SSBP2: variants seen among roughly 807,000 people sequenced by gnomAD.
SSBP2 encodes single-stranded DNA-binding protein 2.
A neutral mutation model predicts 61.8 loss-of-function variants in SSBP2; 17 were observed. That is an observed-to-expected ratio of 0.28 (90% CI 0.19 to 0.41). SSBP2 has a LOEUF of 0.41. SSBP2 is among the 10% of genes least tolerant of loss of function. The pLI is 1.00. For missense variants in SSBP2, 310 were observed against 458.7 expected (o/e 0.68, Z 2.96); for synonymous variants, 139 against 141.3 (o/e 0.98, Z 0.12).
In SSBP2 at chr5:81,642,011, T is replaced by C. The variant is rs148351429; in HGVS notation, c.136-5393A>G. 2.7e-3 allele frequency among the ~76,000 whole-genome samples: 411 copies of C among 152,268 alleles called. 1 individual carries two copies. The highest frequency in any genetic ancestry group is 9.4e-3 in the African/African-American group (392 of 41,554). On this transcript the variant is annotated intron_variant, in intron 2 of 16. Transcript: ENST00000320672. ...AATCACATCAAGCCTACAACTATTA[T>C]CTGGAATAGGGAAAAGGAGGACTTT...
rs143051218 is a variant in SSBP2 at position 81,648,277 on chromosome 5, T to C, written c.135+1990A>G. Among the ~76,000 whole-genome samples the C allele has an allele frequency of 6.6e-5, 10 of 152,278 alleles. 1 individual carries two copies. The East Asian group carries it at 1.7e-3, about 26-fold the overall frequency. The stretch of plus-strand genomic sequence containing the variant: ...TCATTGCCCTAAGTCTTCTAACTAA[T>C]GATTTCATGAAACACAGATACACCA... On this transcript the variant is annotated intron_variant, in intron 2 of 16. Coordinates refer to ENST00000320672, the MANE Select transcript of SSBP2 (RefSeq NM_012446.5).
At chr5:81,728,617 G>A (rs1171362585) in intron 1 of SSBP2, among the ~76,000 whole-genome samples, 2 of 152,198 alleles carry the variant, frequency 1.3e-5, no homozygotes, top group African/African-American at 4.8e-5. Flanking sequence ...TAATAGTGTG[G>A]ATCAGATGCA....
At chr5:81,744,544 T>C (rs553069491) in intron 1 of SSBP2, among the ~76,000 whole-genome samples, 1 of 152,234 alleles carries the variant, frequency 6.6e-6, no homozygotes, top group Non-Finnish European at 1.5e-5. Context: ...TAATTAAAAA[T>C]TAAAGCTATA....
chr5:81,539,764 C>CT (rs1222544651), intron 4 of SSBP2, among the ~76,000 whole-genome samples: 2 of 152,108 alleles, frequency 1.3e-5, no homozygotes, highest in East Asian at 3.9e-4. Context: ...TTTTATTATA[C>CT]TTTAAGTTCT....
At chr5:81,674,888 G>A (rs1751837736) in intron 1 of SSBP2, among the ~76,000 whole-genome samples, 1 of 152,136 alleles carries the variant, frequency 6.6e-6, no homozygotes, top group African/African-American at 2.4e-5. Flanking sequence ...AAATATTTTA[G>A]TAAAGGCCTA....
chr5:81,652,200 G>GACTTCAGAAC (rs1357964407), intron 1 of SSBP2, among the ~76,000 whole-genome samples: 1 of 152,160 alleles, frequency 6.6e-6, no homozygotes, highest in Non-Finnish European at 1.5e-5. Flanking sequence ...GTCAAGGCCA[G>GACTTCAGAAC]GGTACATCTG....
chr5:81,643,595 C>CTTTTTTTTTTT (rs368511957), intron 2 of SSBP2, among the ~76,000 whole-genome samples: 3 of 60,274 alleles, frequency 5.0e-5, no homozygotes, highest in Non-Finnish European at 5.9e-5. Flanking sequence ...TTTTTCCTTT[C>CTTTTTTTTTTT]TTTTTTTTTT....
At chr5:81,524,736 T>G (rs1769781081) in intron 4 of SSBP2, among the ~76,000 whole-genome samples, 1 of 152,042 alleles carries the variant, frequency 6.6e-6, no homozygotes, top group African/African-American at 2.4e-5. Flanking sequence ...TTTAGTGGCT[T>G]TGAATTGTGC....
intron 5 of SSBP2, among the ~76,000 whole-genome samples, chr5:81,506,017 T>C (rs577040060): frequency 6.6e-6 from 1 of 152,150 alleles, no homozygotes; most frequent in African/African-American, 2.4e-5. Context: ...TGAATTGCAA[T>C]TTTTAAAAAA....
At chr5:81,672,889 T>C (rs964768326) in intron 1 of SSBP2, among the ~76,000 whole-genome samples, 3 of 151,296 alleles carry the variant, frequency 2.0e-5, no homozygotes, top group African/African-American at 7.3e-5. Flanking sequence ...TTTTTTTTTT[T>C]AAACAGTCTC....
intron 1 of SSBP2, among the ~76,000 whole-genome samples, chr5:81,717,203 A>C (rs1435996395): frequency 6.6e-6 from 1 of 152,106 alleles, no homozygotes; most frequent in Non-Finnish European, 1.5e-5. Flanking sequence ...TCTGCTATGA[A>C]CTACCTTGAA....
intron 1 of SSBP2, among the ~76,000 whole-genome samples, chr5:81,682,789 CTTGCTGGAACTAATAAACAA>C (rs1271637469): frequency 2.0e-5 from 3 of 152,072 alleles, no homozygotes; most frequent in Non-Finnish European, 4.4e-5. Context: ...AAAAAACACC[CTTGCTGGAACTAATAAACAA>C]TTATAGTAAG....
chr5:81,599,924 G>GT (rs982505728), intron 4 of SSBP2, among the ~76,000 whole-genome samples: 19 of 152,220 alleles, frequency 1.2e-4, no homozygotes, highest in African/African-American at 4.3e-4. Flanking sequence ...AATATGCTGT[G>GT]TTTTTATGTT....
chr5:81,658,244 C>T (rs1750393689), intron 1 of SSBP2, among the ~76,000 whole-genome samples: 1 of 152,154 alleles, frequency 6.6e-6, no homozygotes, highest in Non-Finnish European at 1.5e-5. Context: ...CCGATGACCA[C>T]CATTCTATGC....
At chr5:81,694,962 T>A (rs988583698) in intron 1 of SSBP2, among the ~76,000 whole-genome samples, 1 of 152,182 alleles carries the variant, frequency 6.6e-6, no homozygotes, top group Non-Finnish European at 1.5e-5. Flanking sequence ...ACCACACCAC[T>A]GAATTCCAGC....
intron 2 of SSBP2, among the ~76,000 whole-genome samples, chr5:81,643,747 AG>A (rs1306127947): frequency 1.3e-4 from 19 of 151,340 alleles, no homozygotes; most frequent in African/African-American, 4.4e-4. Context: ...GGATTACAGG[AG>A]CCCACCACCA....
chr5:81,503,654 T>C (rs545309173), intron 5 of SSBP2, among the ~76,000 whole-genome samples: 1 of 152,286 alleles, frequency 6.6e-6, no homozygotes, highest in East Asian at 1.9e-4. Context: ...GAATATAAAC[T>C]ATTCTACCAT....
intron 4 of SSBP2, among the ~76,000 whole-genome samples, chr5:81,522,230 T>C (rs186588909): frequency 2.0e-5 from 3 of 152,124 alleles, no homozygotes; most frequent in East Asian, 3.9e-4. Context: ...ATGGCATTAT[T>C]TGAGAAATGT....
intron 3 of SSBP2, among the ~76,000 whole-genome samples, chr5:81,633,828 C>T (rs1330762343): frequency 6.6e-6 from 1 of 152,230 alleles, no homozygotes; most frequent in African/African-American, 2.4e-5. Flanking sequence ...TCCCTCAAAT[C>T]CTTCTACTTC....
Sources: gnomAD v4.1 joint callset for allele counts (sites outside exome capture counted in the v4.1 genomes callset) on GRCh38, gnomAD v4.1.1 for gene constraint, MANE v1.5 for transcripts, NCBI Gene and HGNC (gene_info 2026-07-23, HGNC 2026-07-21) for gene names.